The following HGF variants were observed in gnomAD, a reference collection of about 807,000 sequenced individuals.
HGF encodes the protein hepatocyte growth factor.
Under a neutral mutation model 111.6 loss-of-function variants are expected in HGF, and 39 were observed. The observed-to-expected ratio is 0.35, with a 90% confidence interval of 0.27 to 0.46. HGF has a LOEUF of 0.46. Ranked by LOEUF, HGF falls within the 20% of genes least tolerant of loss-of-function variation. The pLI, the probability that HGF is intolerant of heterozygous loss-of-function variation, is 1.00. For synonymous variants in HGF, 285 were observed against 294.8 expected (o/e 0.97, Z 0.34); for missense variants, 735 against 910.5 (o/e 0.81, Z 2.48).
At chr7:81,731,429 A>G (rs1787651913) in intron 7 of HGF, among the ~76,000 whole-genome samples, 2 of 152,312 alleles carry the variant, frequency 1.3e-5, no homozygotes, top group Non-Finnish European at 2.9e-5. Context: ...TAGCCTAGAG[A>G]ATTCATCTAT....
At chr7:81,743,159 T>C (rs1451237291) in intron 7 of HGF, among the ~76,000 whole-genome samples, 194 bp downstream of exon 7, 2 of 152,242 alleles carry the variant, frequency 1.3e-5, no homozygotes, top group African/African-American at 4.8e-5. Context: ...TTTGCATATT[T>C]ATCACAGTCA....
chr7:81,703,386 ATATAGT>A (rs1056103952), intron 17 of HGF, among the ~76,000 whole-genome samples: 1 of 150,992 alleles, frequency 6.6e-6, no homozygotes, highest in African/African-American at 2.4e-5. Flanking sequence ...TTAGTAGTTA[ATATAGT>A]TATAGTTATA....
intron 1 of HGF, among the ~76,000 whole-genome samples, chr7:81,766,089 G>T (rs1478002813): frequency 6.6e-6 from 1 of 152,148 alleles, no homozygotes; most frequent in African/African-American, 2.4e-5. Flanking sequence ...AAATCATTAG[G>T]ATCCTAGTGA....
At chr7:81,752,494 G>A (rs1451150163) in intron 4 of HGF, among the ~76,000 whole-genome samples, 2 of 151,954 alleles carry the variant, frequency 1.3e-5, no homozygotes, top group Non-Finnish European at 2.9e-5. Flanking sequence ...TTAGAAAGAT[G>A]AGCCTGTGAA....
chr7:81,747,553 C>A (rs1414585196), intron 5 of HGF, among the ~76,000 whole-genome samples: 1 of 152,050 alleles, frequency 6.6e-6, no homozygotes, highest in Admixed American at 6.5e-5. Context: ...TAAAAGTTAG[C>A]AAGAATAATG....
At chr7:81,708,521 CTTCTTTTT>C (rs1451052594) in intron 13 of HGF, among the ~76,000 whole-genome samples, 3 of 58,294 alleles carry the variant, frequency 5.1e-5, no homozygotes, top group Non-Finnish European at 9.7e-5. Context: ...TCCTTCCTTC[CTTCTTTTT>C]TTTTTTTTTT....
chr7:81,729,784 T>C lies in HGF; in HGVS notation c.866-5A>G, dbSNP rs771246587. The C allele has an allele frequency of 6.4e-6, 10 of 1,560,630 alleles. No homozygotes were observed. The Admixed American group carries it at 1.9e-4, about 30-fold the overall frequency. On this transcript the variant is annotated splice_polypyrimidine_tract_variant and splice_region_variant and intron_variant, in intron 7 of 17. Coordinates refer to ENST00000222390, the MANE Select transcript of HGF (RefSeq NM_000601.6). ...TGTCATTCATAGTATTGTCAGCTAT[T>C]GGCAAAAAACAACAACAAAAAAAAA...
intron 7 of HGF, among the ~76,000 whole-genome samples, chr7:81,733,478 A>G (rs1787731251): frequency 6.6e-6 from 1 of 151,966 alleles, no homozygotes; most frequent in African/African-American, 2.4e-5. Flanking sequence ...GTTTTAATTC[A>G]TTGGAAATAT....
chr7:81,769,955 A>T lies in HGF; in HGVS notation c.17T>A (p.Leu6His). 1 of 1,558,112 alleles carries T rather than the reference A, an allele frequency of 6.4e-7. No homozygotes were observed. MWVTK[L>H]LPALLLQHVL... ...ATGCTGCAGCAGCAGGGCTGGCAGG[A>T]GTTTGGTCACCCACATGGTGCTGCT... Residue 6 changes from leucine to histidine, a missense_variant, in exon 1 of 18, where the codon CTC becomes CAC. Leu to His is a moderately conservative substitution (Grantham distance 99). Transcript: ENST00000222390.
At position 81,762,867 on chromosome 7, in the gene HGF, G is replaced by A; in HGVS notation, c.94C>T (p.Gln32Ter). The change falls in exon 2 of 18, where the codon CAA (glutamine) becomes TAA (stop). Residue 32 changes from glutamine (Q) to a stop codon, truncating the protein, a stop_gained. Transcript: ENST00000222390. LOFTEE classifies it high-confidence loss of function. Reference protein sequence around the residue: ...LPIAIPYAEGQRKRRNTIHEF... With the variant: ...LPIAIPYAEG ...TGAATTGTATTTCTTCTTTTCCTTT[G>A]TCCCTCTATTAAATACAAAATGTTT... The A allele has an allele frequency of 6.6e-7, 1 of 1,514,554 alleles. No individual in the cohort carries two copies. Among genetic ancestry groups the A allele is most frequent in the Non-Finnish European group, 9.2e-7 (1 of 1,091,098 alleles). 93.8% of individuals were successfully genotyped at this position (1,514,554 alleles called of 1,614,324 possible). A position where few individuals can be genotyped will look rare whatever the true frequency, so the allele number is the denominator to read the frequency against.
intron 7 of HGF, among the ~76,000 whole-genome samples, chr7:81,731,367 G>T (rs1787649940): frequency 4.6e-5 from 7 of 152,228 alleles, no homozygotes; most frequent in Admixed American, 4.6e-4. Flanking sequence ...AAACTCAAAT[G>T]AAGATGAAAA....
chr7:81,758,594 G>GA, intron 3 of HGF, 98 bp downstream of exon 3: 1 of 769,900 alleles, frequency 1.3e-6, no homozygotes, highest in Non-Finnish European at 2.3e-6. Context: ...ATATATAGTA[G>GA]AAAAATCAGT....
At chr7:81,744,302 GAT>G (rs943728178) in intron 6 of HGF, among the ~76,000 whole-genome samples, 1 of 66,946 alleles carries the variant, frequency 1.5e-5, no homozygotes, top group African/African-American at 6.5e-5. Flanking sequence ...AAGTAGACAT[GAT>G]TTTTTTTTTT....
intron 7 of HGF, among the ~76,000 whole-genome samples, chr7:81,737,405 T>C (rs370695447): frequency 2.1e-4 from 32 of 152,222 alleles, no homozygotes; most frequent in African/African-American, 7.7e-4. Flanking sequence ...CATATCAGTC[T>C]TGCATGTTCT....
intron 7 of HGF, chr7:81,742,827 G>T: frequency 1.3e-6 from 2 of 1,568,758 alleles, no homozygotes; most frequent in East Asian, 4.7e-5. Context: ...GAGAGAGGTA[G>T]GGATCAGCTA....
chr7:81,742,417 G>A (rs576578415), intron 7 of HGF, among the ~76,000 whole-genome samples: 1 of 152,164 alleles, frequency 6.6e-6, no homozygotes, highest in East Asian at 1.9e-4. Context: ...TCTAGGTGCT[G>A]GTGCCTGATC....
rs778395987 is a variant in HGF, at chr7:81,705,483, A to G, written c.1917T>C (p.Asn639=). ...LRVAHLYIMG[N]EKCSQHHRGK... ...CTCGATGATGCTGGCTGCATTTCTCATTTCCCATTATATAGAGATGTGCCA... is the reference window on the plus strand; with the variant it reads ...CTCGATGATGCTGGCTGCATTTCTCGTTTCCCATTATATAGAGATGTGCCA... The change falls in exon 17 of 18, where the codon AAT becomes AAC. Residue 639 remains asparagine, a synonymous_variant. Transcript: ENST00000222390. 3.7e-6 allele frequency: 6 copies of G among 1,612,528 alleles called. No homozygotes were observed. In the East Asian group the frequency reaches 1.1e-4, roughly 30 times the overall value.
At chr7:81,703,753 C>T (rs1200377050) in intron 17 of HGF, among the ~76,000 whole-genome samples, 3 of 151,408 alleles carry the variant, frequency 2.0e-5, no homozygotes, top group Non-Finnish European at 4.4e-5. Flanking sequence ...CCCTAAACAG[C>T]GATGGGGGAA....
chr7:81,752,138 T>G lies in HGF; in HGVS notation c.607A>C (p.Ile203Leu), dbSNP rs1439981348. 1.2e-6 allele frequency: 2 copies of G among 1,613,588 alleles called. No individual in the cohort carries two copies. The highest frequency in any genetic ancestry group is 8.5e-7 in the Non-Finnish European group (1 of 1,179,578). Residue 203 changes from isoleucine to leucine, a missense_variant, in exon 5 of 18, where the codon ATT becomes CTT. Physicochemically the swap from Ile to Leu is conservative, Grantham distance 5. Coordinates refer to ENST00000222390, the MANE Select transcript of HGF (RefSeq NM_000601.6). ...TATTTACCTTCTGAACACTGAGGAATGTCACAGACTTCGTAGCGTACCTCT... is the reference window on the plus strand; with the variant it reads ...TATTTACCTTCTGAACACTGAGGAAGGTCACAGACTTCGTAGCGTACCTCT... ...NPEVRYEVCD[I>L]PQCSEVECMT...
Sources: gnomAD v4.1 joint callset for allele counts (sites outside exome capture counted in the v4.1 genomes callset) on GRCh38, gnomAD v4.1.1 for gene constraint, MANE v1.5 for transcripts, NCBI Gene and HGNC (gene_info 2026-07-23, HGNC 2026-07-21) for gene names.